The following CPE variants were observed in gnomAD, a reference collection of about 807,000 sequenced individuals.
CPE encodes the protein carboxypeptidase E.
In CPE, 17 loss-of-function variants were observed where a neutral mutation model predicts 53.5. That is an observed-to-expected ratio of 0.32 (90% CI 0.22 to 0.48). The LOEUF (loss-of-function observed/expected upper bound fraction) is 0.48. CPE is among the 20% of genes least tolerant of loss of function. The pLI is 0.99. For synonymous variants in CPE, 226 were observed against 228.8 expected (o/e 0.99, Z 0.11); for missense variants, 524 against 614.7 (o/e 0.85, Z 1.56).
chr4:165,462,528 G>GCT (rs1163446838), intron 1 of CPE, among the ~76,000 whole-genome samples: 2 of 151,836 alleles, frequency 1.3e-5, no homozygotes, highest in African/African-American at 2.4e-5. Context: ...CTGGCTACTT[G>GCT]CTCTCTCTCT....
intron 1 of CPE, among the ~76,000 whole-genome samples, chr4:165,416,744 C>T (rs564864883): frequency 3.3e-5 from 5 of 152,064 alleles, no homozygotes; most frequent in African/African-American, 1.2e-4. Flanking sequence ...GCGGTGGCCC[C>T]ACATATGCCT....
intron 6 of CPE, among the ~76,000 whole-genome samples, chr4:165,490,107 G>T (rs1016501321): frequency 6.6e-6 from 1 of 152,112 alleles, no homozygotes; most frequent in Non-Finnish European, 1.5e-5. Flanking sequence ...TGAACACCTG[G>T]GCCTAAAATC....
At chr4:165,388,684 A>G (rs1022495441) in intron 1 of CPE, among the ~76,000 whole-genome samples, 6 of 152,356 alleles carry the variant, frequency 3.9e-5, no homozygotes, top group South Asian at 4.1e-4. Context: ...TCTTATTCTT[A>G]ATGTAGCAAA....
rs557108686 is a variant in CPE at position 165,449,831 on chromosome 4, T to A, written c.308-14559T>A. On this transcript the variant is annotated intron_variant, in intron 1 of 8. Transcript: ENST00000402744. ...GAAAATTATTTTAAATAGATTTTTT[T>A]TGATACACTTGATGATTTTTATCAG... is the stretch of plus-strand genomic sequence containing the variant. Among the ~76,000 whole-genome samples the A allele has an allele frequency of 2.0e-5, 3 of 152,296 alleles. No homozygotes were observed. In the East Asian group the frequency reaches 5.8e-4, roughly 29 times the overall value.
chr4:165,479,339 A>C (rs1220461341), intron 3 of CPE, among the ~76,000 whole-genome samples: 3 of 152,202 alleles, frequency 2.0e-5, no homozygotes, highest in Admixed American at 6.5e-5. Flanking sequence ...GAATACATGG[A>C]ATTGAGACAA....
Position 165,487,581 on chromosome 4 carries a change from AAC to A in CPE, c.1113+8_1113+9del, listed in dbSNP as rs780065333. 1 of 1,613,942 alleles carries A rather than the reference AAC, an allele frequency of 6.2e-7. No individual in the cohort carries two copies. Among genetic ancestry groups the A allele is most frequent in the Non-Finnish European group, 8.5e-7 (1 of 1,179,962 alleles). On this transcript the variant is annotated splice_donor_5th_base_variant and intron_variant, in intron 6 of 8. Coordinates refer to ENST00000402744, the MANE Select transcript of CPE (RefSeq NM_001873.4). ...CCTCATTAGCTACCTTGAGCAGGTA[AAC>A]ACAGTCCCCAGCATAAAAATGCAAG...
At chr4:165,385,443 C>CTTT (rs70955613) in intron 1 of CPE, among the ~76,000 whole-genome samples, 14,198 of 106,762 alleles carry the variant, frequency 0.13, 1,544 homozygotes, top group African/African-American at 0.18. Context: ...CAAATGTTTG[C>CTTT]TTTTTTTTTT....
intron 1 of CPE, chr4:165,386,423 T>C (rs17624836): frequency 0.13 from 51,599 of 396,210 alleles, 3,568 homozygotes; most frequent in South Asian, 0.16. Flanking sequence ...ATTTCTCAAA[T>C]AGGCAAAAAT....
At chr4:165,401,370 A>G (rs1730865400) in intron 1 of CPE, among the ~76,000 whole-genome samples, 1 of 152,210 alleles carries the variant, frequency 6.6e-6, no homozygotes, top group Admixed American at 6.5e-5. Flanking sequence ...TGCCTAGTAC[A>G]CTTTTACTAT....
chr4:165,444,548 T>C (rs1412364367), intron 1 of CPE, among the ~76,000 whole-genome samples: 1 of 151,768 alleles, frequency 6.6e-6, no homozygotes, highest in Non-Finnish European at 1.5e-5. Flanking sequence ...CCATGAGAGG[T>C]AGATCATTGC....
chr4:165,409,747 T>C lies in CPE; in HGVS notation c.307+30219T>C, dbSNP rs148284116. ...CTAGGATGAGCCAGTCTTTATTAGA[T>C]TATTTTGTACTATATTTATACTTAC... On this transcript the variant is annotated intron_variant, in intron 1 of 8. Transcript: ENST00000402744. Among the ~76,000 whole-genome samples, 37 of 152,288 alleles carry C rather than the reference T, an allele frequency of 2.4e-4. No homozygotes were observed. In the East Asian group the frequency reaches 6.4e-3, roughly 26 times the overall value.
At chr4:165,413,910 A>G (rs1731082092) in intron 1 of CPE, among the ~76,000 whole-genome samples, 1 of 152,230 alleles carries the variant, frequency 6.6e-6, no homozygotes. Context: ...TCTTCCATTC[A>G]TGCATATTTA....
chr4:165,445,863 A>G (rs1467219741), intron 1 of CPE, among the ~76,000 whole-genome samples: 52 of 152,134 alleles, frequency 3.4e-4, no homozygotes, highest in Admixed American at 3.3e-3. Context: ...GGCTATTAAT[A>G]CATGGTTCTA....
intron 1 of CPE, among the ~76,000 whole-genome samples, chr4:165,409,939 C>T (rs748688196): frequency 5.9e-5 from 9 of 151,788 alleles, no homozygotes; most frequent in Non-Finnish European, 8.8e-5. Flanking sequence ...ACACAAAAAA[C>T]ACAGACAAAC....
At chr4:165,457,535 T>A (rs910159455) in intron 1 of CPE, among the ~76,000 whole-genome samples, 1 of 152,238 alleles carries the variant, frequency 6.6e-6, no homozygotes, top group African/African-American at 2.4e-5. Context: ...GTAGAGATAT[T>A]TTAGATGTCA....
chr4:165,414,524 C>T (rs1731090551), intron 1 of CPE, among the ~76,000 whole-genome samples: 1 of 152,106 alleles, frequency 6.6e-6, no homozygotes, highest in African/African-American at 2.4e-5. Flanking sequence ...GGAATATTCT[C>T]CTGCATAAAT....
chr4:165,401,815 T>C (rs1455455117), intron 1 of CPE, among the ~76,000 whole-genome samples: 1 of 152,182 alleles, frequency 6.6e-6, no homozygotes, highest in East Asian at 1.9e-4. Flanking sequence ...CAGGGGCTTC[T>C]GCAGTCTTGT....
chr4:165,460,360 C>A (rs988920810), intron 1 of CPE, among the ~76,000 whole-genome samples: 4 of 152,114 alleles, frequency 2.6e-5, no homozygotes, highest in Non-Finnish European at 5.9e-5. Context: ...TTAGACTTTA[C>A]AACAAAAATA....
At chr4:165,468,971 T>A (rs1417577537) in intron 3 of CPE, among the ~76,000 whole-genome samples, 7 of 152,204 alleles carry the variant, frequency 4.6e-5, no homozygotes, top group Non-Finnish European at 1.0e-4. Flanking sequence ...TTATTTGACC[T>A]CTCTGTGCTT....
Sources: gnomAD v4.1 joint callset for allele counts (sites outside exome capture counted in the v4.1 genomes callset) on GRCh38, gnomAD v4.1.1 for gene constraint, MANE v1.5 for transcripts, NCBI Gene and HGNC (gene_info 2026-07-23, HGNC 2026-07-21) for gene names.